The following KCNIP3 variants were observed in gnomAD, a reference collection of about 807,000 sequenced individuals.
KCNIP3 encodes potassium voltage-gated channel interacting protein 3, also known as calsenilin.
KCNIP3 carries 28 observed loss-of-function variants against 35.0 expected under a neutral mutation model. That is an observed-to-expected ratio of 0.80 (90% CI 0.59 to 1.10). The LOEUF (loss-of-function observed/expected upper bound fraction) is 1.10. KCNIP3 is among the 50% of genes least tolerant of loss of function. KCNIP3 has a pLI of 0.00. For synonymous variants in KCNIP3, 134 were observed against 133.8 expected (o/e 1.00, Z -0.01); for missense variants, 295 against 338.4 (o/e 0.87, Z 1.01).
chr2:95,322,344 AGAGT>A (rs1218699861), intron 2 of KCNIP3, among the ~76,000 whole-genome samples: 29 of 152,176 alleles, frequency 1.9e-4, no homozygotes, highest in Non-Finnish European at 4.3e-4. Context: ...CCTGGGTAAC[AGAGT>A]GAGATCCTGC....
Position 95,347,258 on chromosome 2 carries a change from A to G in KCNIP3, c.182-27038A>G, listed in dbSNP as rs550736252. The G allele has an allele frequency of 1.8e-5, 13 of 725,650 alleles. No homozygotes were observed. In the South Asian group the frequency reaches 2.3e-4, roughly 13 times the overall value. The allele number at this position is 725,650 out of a possible 1,614,324, so 45.0% of individuals were successfully genotyped here. ...GGCCGCCGCCCCCTCCCGGCTCCGG[A>G]GGGTTGGGCCTGGGACTAAGGAGAC... On this transcript the variant is annotated intron_variant, in intron 2 of 8. Transcript: ENST00000295225.
At chr2:95,323,406 A>C (rs991936157) in intron 2 of KCNIP3, among the ~76,000 whole-genome samples, 1 of 152,194 alleles carries the variant, frequency 6.6e-6, no homozygotes, top group Non-Finnish European at 1.5e-5. Context: ...AGGAAAAGGC[A>C]GAACTGCGGT....
chr2:95,355,163 T>TTG (rs1638429098), intron 2 of KCNIP3: 1 of 151,456 alleles, frequency 6.6e-6, no homozygotes, highest in Non-Finnish European at 1.5e-5. Context: ...CCGGAGATGG[T>TTG]TGTGTGTGTC....
intron 2 of KCNIP3, among the ~76,000 whole-genome samples, chr2:95,367,776 T>G (rs56089851): frequency 3.1e-3 from 473 of 151,624 alleles, no homozygotes; most frequent in African/African-American, 0.011. Flanking sequence ...TTTTTTTTTT[T>G]TTGAGATGGA....
At position 95,382,340 on chromosome 2, in the gene KCNIP3, G is replaced by A. The variant is rs1276930533; in HGVS notation, c.556-37G>A. Reference sequence around the variant, plus strand: ...CCCTTTGGGCCCTCACAGCCACCCCGGCCTTGCAGCAGGCTCATGCCAGCC... The same window carrying A: ...CCCTTTGGGCCCTCACAGCCACCCCAGCCTTGCAGCAGGCTCATGCCAGCC... On this transcript the variant is annotated intron_variant, in intron 6 of 8. Coordinates refer to ENST00000295225, the MANE Select transcript of KCNIP3 (RefSeq NM_013434.5). The surrounding 1 kb of genome is among the most constrained non-coding windows in gnomAD (Gnocchi z 4.5). 6.9e-6 allele frequency: 10 copies of A among 1,446,268 alleles called. No individual in the cohort carries two copies. The highest frequency in any genetic ancestry group is 2.4e-5 in the East Asian group (1 of 41,742). 89.6% of individuals were successfully genotyped at this position (1,446,268 alleles called of 1,614,324 possible).
chr2:95,307,035 C>T (rs1678195717), intron 1 of KCNIP3, among the ~76,000 whole-genome samples: 1 of 152,226 alleles, frequency 6.6e-6, no homozygotes, highest in Non-Finnish European at 1.5e-5. Context: ...TGGGGTCTCC[C>T]TGCCCTCCTG....
intron 2 of KCNIP3, among the ~76,000 whole-genome samples, chr2:95,335,687 A>C (rs1364808989): frequency 6.6e-6 from 1 of 152,054 alleles, no homozygotes; most frequent in African/African-American, 2.4e-5. Flanking sequence ...AATTTCTTCA[A>C]ATTCTATTGT....
At chr2:95,374,481 A>G (rs1680122747) in intron 3 of KCNIP3, 61 bp downstream of exon 3, 3 of 1,583,222 alleles carry the variant, frequency 1.9e-6, no homozygotes, top group Non-Finnish European at 2.6e-6. Flanking sequence ...GAGACCTGGA[A>G]ACTTCTCCAT....
At chr2:95,374,481 A>C in intron 3 of KCNIP3, 61 bp downstream of exon 3, 2 of 1,583,342 alleles carry the variant, frequency 1.3e-6, no homozygotes, top group Non-Finnish European at 1.7e-6. Flanking sequence ...GAGACCTGGA[A>C]ACTTCTCCAT....
chr2:95,304,896 C>A (rs1472708221), intron 1 of KCNIP3, among the ~76,000 whole-genome samples: 1 of 152,068 alleles, frequency 6.6e-6, no homozygotes, highest in African/African-American at 2.4e-5. Flanking sequence ...CAGATCTCGG[C>A]CACCAGGTGA....
chr2:95,342,590 C>G (rs1321276268), intron 2 of KCNIP3, among the ~76,000 whole-genome samples: 1 of 152,244 alleles, frequency 6.6e-6, no homozygotes, highest in Admixed American at 6.5e-5. Flanking sequence ...ATGGGGCACG[C>G]AGCGTTGCCA....
At chr2:95,358,405 C>T (rs1334839960) in intron 2 of KCNIP3, among the ~76,000 whole-genome samples, 1 of 152,190 alleles carries the variant, frequency 6.6e-6, no homozygotes, top group Non-Finnish European at 1.5e-5. Flanking sequence ...GGGAAGAAAG[C>T]CCTGCTTGTA....
chr2:95,335,022 C>A lies in KCNIP3; in HGVS notation c.181+24502C>A, dbSNP rs181706643. On this transcript the variant is annotated intron_variant, in intron 2 of 8. Transcript: ENST00000295225. Reference sequence around the variant, plus strand: ...AACACTTGGGCATGTGTCAAGTCCCCACTTGGCCAAGTAGCTTGGTCTTCT... The same window carrying A: ...AACACTTGGGCATGTGTCAAGTCCCAACTTGGCCAAGTAGCTTGGTCTTCT... Among the ~76,000 whole-genome samples, 211 of 152,338 alleles carry A rather than the reference C, an allele frequency of 1.4e-3. 1 individual carries two copies. The highest frequency in any genetic ancestry group is 4.9e-3 in the African/African-American group (203 of 41,584).
At position 95,365,562 on chromosome 2, in the gene KCNIP3, G is replaced by A. The variant is rs1679897011; in HGVS notation, c.182-8734G>A. On this transcript the variant is annotated intron_variant, in intron 2 of 8. Coordinates refer to ENST00000295225, the MANE Select transcript of KCNIP3 (RefSeq NM_013434.5). ...TTCTTGGAGTGGAGTAAGTTTGAGG[G>A]AGAACAGGAGGAGAGGAAGTGAAGG... Among the ~76,000 whole-genome samples, 3 of 152,196 alleles carry A rather than the reference G, an allele frequency of 2.0e-5. No homozygotes were observed. In the South Asian group the frequency reaches 6.2e-4, roughly 31 times the overall value.
At chr2:95,357,016 C>T (rs72946017) in intron 2 of KCNIP3, among the ~76,000 whole-genome samples, 10,143 of 152,192 alleles carry the variant, frequency 0.067, 978 homozygotes, top group African/African-American at 0.2. Flanking sequence ...TGCTCGCCGG[C>T]GTGGGTGGCC....
At chr2:95,308,385 G>A (rs1678230374) in intron 1 of KCNIP3, among the ~76,000 whole-genome samples, 1 of 152,198 alleles carries the variant, frequency 6.6e-6, no homozygotes, top group Admixed American at 6.5e-5. Context: ...CTGGTAGTTG[G>A]GACCTAGCTG....
chr2:95,321,242 C>A (rs867142926), intron 2 of KCNIP3, among the ~76,000 whole-genome samples: 2 of 152,186 alleles, frequency 1.3e-5, no homozygotes, highest in Non-Finnish European at 2.9e-5. Flanking sequence ...GTGTGGCCTG[C>A]AGAGCTGGTC....
intron 5 of KCNIP3, among the ~76,000 whole-genome samples, chr2:95,375,613 A>G (rs1263107264): frequency 1.3e-4 from 20 of 152,160 alleles, no homozygotes; most frequent in Admixed American, 1.0e-3. Context: ...CCCAGAAAAT[A>G]GGCCAAAAAT....
At chr2:95,319,483 G>A (rs3755520) in intron 2 of KCNIP3, among the ~76,000 whole-genome samples, 117,234 of 152,172 alleles carry the variant, frequency 0.77, 45,688 homozygotes, top group African/African-American at 0.88. Context: ...GTGAGACACT[G>A]GTGGGCCAGG....
Sources: gnomAD v4.1 joint callset for allele counts (sites outside exome capture counted in the v4.1 genomes callset) on GRCh38, gnomAD v4.1.1 for gene constraint, Gnocchi (gnomAD v3.1) non-coding constraint, MANE v1.5 for transcripts, NCBI Gene and HGNC (gene_info 2026-07-23, HGNC 2026-07-21) for gene names.